Variants in SSRP1 observed in about 807,000 individuals in gnomAD.
The protein encoded by SSRP1 is FACT complex subunit SSRP1.
A neutral mutation model predicts 84.4 loss-of-function variants in SSRP1; 21 were observed. The observed-to-expected ratio is 0.25, with a 90% CI of 0.18 to 0.36. The LOEUF is 0.36. SSRP1 is among the 10% of genes least tolerant of loss of function. The probability of loss-of-function intolerance (pLI) is 1.00; values close to 1 mark genes in which losing one functional copy is unlikely to be tolerated. For synonymous variants in SSRP1, 319 were observed against 318.3 expected, an observed-to-expected ratio of 1.00 and a Z score of -0.02; for missense variants, 519 against 900.8, an observed-to-expected ratio of 0.58 and a Z score of 5.43.
In SSRP1 at chr11:57,330,491, CA is replaced by C; in HGVS notation, c.1297-63del. ...CCTCGAGCCAGAATCCCTGCACACTCAAAAGCACACCCCCATGCCTGTCAAG... is the reference window on the plus strand; with the variant it reads ...CCTCGAGCCAGAATCCCTGCACACTCAAAGCACACCCCCATGCCTGTCAAG... On this transcript the variant is annotated intron_variant, in intron 10 of 16. Coordinates refer to ENST00000278412, the MANE Select transcript of SSRP1 (RefSeq NM_003146.3). This position sits in a 1 kb window ranked among gnomAD's most constrained non-coding sequence, Gnocchi z 4.0. 1 of 1,598,414 alleles carries C rather than the reference CA, an allele frequency of 6.3e-7. No individual in the cohort carries two copies.
chr11:57,331,341 C>T (rs1179701087), intron 9 of SSRP1, among the ~76,000 whole-genome samples: 1 of 152,010 alleles, frequency 6.6e-6, no homozygotes, highest in Non-Finnish European at 1.5e-5. Flanking sequence ...TTCTCAGGCA[C>T]AAAGCTCATT....
Position 57,335,101 on chromosome 11 carries a change from G to A in SSRP1, c.21C>T (p.Phe7=). ...CTTTCACCTCCTGATAGACGTCGTTGAACTCCAGTGTCTCTGCCATGTCGA... is the reference window on the plus strand; with the variant it reads ...CTTTCACCTCCTGATAGACGTCGTTAAACTCCAGTGTCTCTGCCATGTCGA... The part of the protein sequence containing the change: MAETLE[F]NDVYQEVKGS... The change falls in exon 2 of 17, where the codon TTC becomes TTT. Residue 7 remains phenylalanine (F), a synonymous_variant. Transcript: ENST00000278412. This position sits in a 1 kb window ranked among gnomAD's most constrained non-coding sequence, Gnocchi z 4.6. 6.2e-7 allele frequency: 1 copy of A among 1,614,062 alleles called. No individual in the cohort carries two copies. Among genetic ancestry groups the A allele is most frequent in the East Asian group, 2.2e-5 (1 of 44,866 alleles).
chr11:57,335,090 T>A lies in SSRP1; in HGVS notation c.32A>T (p.Tyr11Phe). 3 of 1,614,098 alleles carry A rather than the reference T, an allele frequency of 1.9e-6. No individual in the cohort carries two copies. Among genetic ancestry groups the A allele is most frequent in the Non-Finnish European group, 2.5e-6 (3 of 1,179,978 alleles). MAETLEFNDV[Y>F]QEVKGSMNDG... ...CACCATGGAACCTTTCACCTCCTGA[T>A]AGACGTCGTTGAACTCCAGTGTCTC... Residue 11 changes from tyrosine to phenylalanine, a missense_variant, in exon 2 of 17, where the codon TAT becomes TTT. By Grantham distance (22) the Tyr-to-Phe change is conservative. Coordinates refer to ENST00000278412, the MANE Select transcript of SSRP1 (RefSeq NM_003146.3). The surrounding 1 kb of genome is among the most constrained non-coding windows in gnomAD (Gnocchi z 4.6).
Position 57,334,621 on chromosome 11 carries a change from G to C in SSRP1, c.82C>G (p.Gln28Glu), listed in dbSNP as rs1565055979. ...TTGCTATTCTTGAAGATGATGCCCT[G>C]ACGGCTCAACCTCAGTCGACCATCA... ...MNDGRLRLSR[Q>E]GIIFKNSKTG... The change falls in exon 3 of 17, where the codon CAG becomes GAG. Residue 28 changes from glutamine to glutamate, a missense_variant. Physicochemically the swap from Gln to Glu is conservative, Grantham distance 29. Transcript: ENST00000278412. 6.2e-7 allele frequency: 1 copy of C among 1,614,162 alleles called. No individual in the cohort carries two copies. Among genetic ancestry groups the C allele is most frequent in the Non-Finnish European group, 8.5e-7 (1 of 1,180,044 alleles).
Position 57,330,852 on chromosome 11 carries a change from T to C in SSRP1, c.1296+3A>G. On this transcript the variant is annotated splice_donor_region_variant and intron_variant, in intron 10 of 16. Transcript: ENST00000278412. This position sits in a 1 kb window ranked among gnomAD's most constrained non-coding sequence, Gnocchi z 4.0. ...GGGTCTCATCCTCCCCACACAGAAG[T>C]ACCTCTTTCAATCCTCGGTTTTTGA... 1 of 1,614,180 alleles carries C rather than the reference T, an allele frequency of 6.2e-7. No homozygotes were observed. Among genetic ancestry groups the C allele is most frequent in the Non-Finnish European group, 8.5e-7 (1 of 1,180,006 alleles).
chr11:57,327,291 G>T, intron 15 of SSRP1, 135 bp downstream of exon 15: 1 of 925,210 alleles, frequency 1.1e-6, no homozygotes, highest in Non-Finnish European at 1.7e-6. Context: ...GCCTACCCAG[G>T]TTTGAGAAGC....
intron 4 of SSRP1, 89 bp downstream of exon 4, chr11:57,333,346 G>A: frequency 1.6e-6 from 2 of 1,250,304 alleles, no homozygotes; most frequent in Non-Finnish European, 1.2e-6. Context: ...ACCAGAGACA[G>A]TGGCAGAGGG....
chr11:57,328,190 AG>A, intron 13 of SSRP1, 106 bp downstream of exon 13: 1 of 1,505,732 alleles, frequency 6.6e-7, no homozygotes. Flanking sequence ...AACAGCCCCA[AG>A]GAAGAACAGG....
At chr11:57,333,633 T>G in intron 3 of SSRP1, 93 bp from the exon 4 acceptor site, 1 of 908,442 alleles carries the variant, frequency 1.1e-6, no homozygotes, top group East Asian at 2.5e-5. Context: ...TCTGAGAAAC[T>G]GCCCCAAATA....
At chr11:57,333,665 T>C in intron 3 of SSRP1, 125 bp from the exon 4 acceptor site, 1 of 681,514 alleles carries the variant, frequency 1.5e-6, no homozygotes, top group East Asian at 2.7e-5. Context: ...AAATCCATGC[T>C]GACTTAGCAA....
In SSRP1 at chr11:57,330,266, G is replaced by T. The variant is rs186994419; in HGVS notation, c.1435+25C>A. ...CAGCGAGGAGCGTCTGACCATCCTCGTGCTCAGCACGGAGGCTAACCCACC... is the reference window on the plus strand; with the variant it reads ...CAGCGAGGAGCGTCTGACCATCCTCTTGCTCAGCACGGAGGCTAACCCACC... On this transcript the variant is annotated intron_variant, in intron 11 of 16. Coordinates refer to ENST00000278412, the MANE Select transcript of SSRP1 (RefSeq NM_003146.3). This position sits in a 1 kb window ranked among gnomAD's most constrained non-coding sequence, Gnocchi z 4.0. 6.2e-7 allele frequency: 1 copy of T among 1,614,188 alleles called. No individual in the cohort carries two copies.
At chr11:57,327,324 C>T (rs1856005175) in intron 15 of SSRP1, 102 bp downstream of exon 15, 3 of 1,209,260 alleles carry the variant, frequency 2.5e-6, no homozygotes, top group Non-Finnish European at 3.6e-6. Context: ...CAGTCAGAAG[C>T]ATCTCTGCTG....
rs967374435 is a variant in SSRP1, at chr11:57,328,036, T to C, written c.1612-154A>G. Reference sequence around the variant, plus strand: ...CCCTAAGGGCAAGGATAGTATCTCCTTCCCCTCTGCAATTCAGTGCCTAGC... The same window carrying C: ...CCCTAAGGGCAAGGATAGTATCTCCCTCCCCTCTGCAATTCAGTGCCTAGC... On this transcript the variant is annotated intron_variant, in intron 13 of 16. Transcript: ENST00000278412. 8 of 1,003,226 alleles carry C rather than the reference T, an allele frequency of 8.0e-6. No homozygotes were observed. In the African/African-American group the frequency reaches 1.1e-4, roughly 14 times the overall value. 62.1% of individuals were successfully genotyped at this position (1,003,226 alleles called of 1,614,324 possible).
rs553341009 is a variant in SSRP1, at chr11:57,333,635, C to T, written c.241-95G>A. The T allele has an allele frequency of 5.7e-6, 5 of 879,766 alleles. No individual in the cohort carries two copies. In the Admixed American group the frequency reaches 6.0e-5, roughly 11 times the overall value. The allele number at this position is 879,766 out of a possible 1,614,324, so 54.5% of individuals were successfully genotyped here. A position where few individuals can be genotyped will look rare whatever the true frequency, so the allele number is the denominator to read the frequency against. ...GGGATTATCTATTTCTGAGAAACTG[C>T]CCCAAATAGGCTTTATAAGAAATCC... is the stretch of plus-strand genomic sequence containing the variant. On this transcript the variant is annotated intron_variant, in intron 3 of 16. Coordinates refer to ENST00000278412, the MANE Select transcript of SSRP1 (RefSeq NM_003146.3).
intron 3 of SSRP1, among the ~76,000 whole-genome samples, chr11:57,334,162 C>A (rs553181549): frequency 6.6e-6 from 1 of 152,200 alleles, no homozygotes; most frequent in African/African-American, 2.4e-5. Context: ...CCAAAAAAAA[C>A]CAAAAACACA....
chr11:57,332,144 A>G lies in SSRP1; in HGVS notation c.1001+8T>C, dbSNP rs200999510. ...AGGCAGGGCAGGATCCCAGGCCCAC[A>G]CTCTCACCCTTGGAAGTTGCCTGGC... On this transcript the variant is annotated splice_region_variant and intron_variant, in intron 8 of 16. Coordinates refer to ENST00000278412, the MANE Select transcript of SSRP1 (RefSeq NM_003146.3). The surrounding 1 kb of genome is among the most constrained non-coding windows in gnomAD (Gnocchi z 5.5). 6 of 1,613,088 alleles carry G rather than the reference A, an allele frequency of 3.7e-6. No individual in the cohort carries two copies. In the Admixed American group the frequency reaches 1.0e-4, roughly 27 times the overall value.
Position 57,330,084 on chromosome 11 carries a change from A to G in SSRP1, c.1481+9T>C, listed in dbSNP as rs763395006. 3 of 1,614,206 alleles carry G rather than the reference A, an allele frequency of 1.9e-6. No individual in the cohort carries two copies. Among genetic ancestry groups the G allele is most frequent in the Admixed American group, 1.7e-5 (1 of 60,034 alleles). ...CATCTTATCCCCACAAGGTACCACC[A>G]AAACTCACTCCTCTGCCACATCTTC... is the stretch of plus-strand genomic sequence containing the variant. On this transcript the variant is annotated intron_variant, in intron 12 of 16. Coordinates refer to ENST00000278412, the MANE Select transcript of SSRP1 (RefSeq NM_003146.3). This position sits in a 1 kb window ranked among gnomAD's most constrained non-coding sequence, Gnocchi z 4.0.
intron 15 of SSRP1, 58 bp from the exon 16 acceptor site, chr11:57,326,947 A>G (rs1219164805): frequency 1.3e-6 from 2 of 1,487,004 alleles, no homozygotes; most frequent in Middle Eastern, 1.9e-4. Context: ...ACCATGACCA[A>G]ACCTCTCCCA....
In SSRP1 at chr11:57,326,788, T is replaced by G; in HGVS notation, c.1973A>C (p.Glu658Ala). Reference protein sequence around the residue: ...SSKSSSRQLSESFKSKEFVSS... With the variant: ...SSKSSSRQLSASFKSKEFVSS... ...CACAAACTCTTTGCTCTTGAAGCTC[T>G]CGCTTAGCTGCCTTGAGGACGACTT... The change falls in exon 16 of 17, where the codon GAG (glutamate) becomes GCG (alanine). Residue 658 changes from glutamate to alanine, a missense_variant. Physicochemically the swap from Glu to Ala is moderately radical, Grantham distance 107. This residue lies in a region of SSRP1 where 197 missense variants were observed against 265.0 expected (regional missense o/e 0.74). Transcript: ENST00000278412. 1 of 1,614,278 alleles carries G rather than the reference T, an allele frequency of 6.2e-7. No individual in the cohort carries two copies. The highest frequency in any genetic ancestry group is 8.5e-7 in the Non-Finnish European group (1 of 1,180,048).
Sources: gnomAD v4.1 joint callset for allele counts (sites outside exome capture counted in the v4.1 genomes callset) on GRCh38, gnomAD v4.1.1 for gene constraint, gnomAD v4.1.1 regional missense constraint, Gnocchi (gnomAD v3.1) non-coding constraint, MANE v1.5 for transcripts, NCBI Gene and HGNC (gene_info 2026-07-23, HGNC 2026-07-21) for gene names.